Variants in ITPR3 observed in about 807,000 individuals in gnomAD.
ITPR3 encodes the protein inositol 1,4,5-trisphosphate receptor type 3.
A neutral mutation model predicts 293.2 loss-of-function variants in ITPR3; 173 were observed. The observed-to-expected ratio is 0.59, with a 90% confidence interval of 0.52 to 0.67. The LOEUF is 0.67. Ranked by LOEUF, ITPR3 falls within the 30% of genes least tolerant of loss-of-function variation. The pLI is 0.00. For synonymous variants in ITPR3, 1,295 were observed against 1,444.4 expected (o/e 0.90, Z 2.35); for missense variants, 2,796 against 3,592.1 (o/e 0.78, Z 5.66).
At position 33,685,462 on chromosome 6, in the gene ITPR3, T is replaced by C; in HGVS notation, c.5411T>C (p.Val1804Ala). ...GCCCAGCAGGAGACCAAGTCCACGG[T>C]GGCAGTCAACATGAATGACCTGGGC... ...KRAQQETKSTVAVNMNDLGSQ... is the reference protein window; with the variant it reads ...KRAQQETKSTAAVNMNDLGSQ... Residue 1804 changes from valine (V) to alanine (A), a missense_variant, in exon 40 of 58, where the codon GTG (valine) becomes GCG (alanine). Around this residue, in one of 8 missense-constraint regions of ITPR3, gnomAD observed 704 missense variants for 797.5 expected, o/e 0.88. Transcript: ENST00000605930. The C allele has an allele frequency of 6.2e-7, 1 of 1,613,942 alleles. No individual in the cohort carries two copies.
In ITPR3 at chr6:33,667,622, C is replaced by T. The variant is rs1012835484; in HGVS notation, c.1714-170C>T. On this transcript the variant is annotated intron_variant, in intron 15 of 57. Coordinates refer to ENST00000605930, the MANE Select transcript of ITPR3 (RefSeq NM_002224.4). This position sits in a 1 kb window ranked among gnomAD's most constrained non-coding sequence, Gnocchi z 4.4. ...GGGAAACAGCCCACAAGCTAAATAA[C>T]TATGTAATGTAAGCCACTCTTCTGC... 1.3e-5 allele frequency among the ~76,000 whole-genome samples: 2 copies of T among 152,212 alleles called. No individual in the cohort carries two copies. The highest frequency in any genetic ancestry group is 2.9e-5 in the Non-Finnish European group (2 of 68,042).
Position 33,679,935 on chromosome 6 carries a change from G to C in ITPR3, c.4026G>C (p.Leu1342=). The change falls in exon 31 of 58, where the codon CTG becomes CTC. Residue 1342 remains leucine, a synonymous_variant. Transcript: ENST00000605930. This position sits in a 1 kb window ranked among gnomAD's most constrained non-coding sequence, Gnocchi z 4.2. The part of the protein sequence containing the change: ...VVVFYNDKAS[L]AHLLDMMKAA... ...TGTTCTACAATGATAAGGCATCGCTGGCCCACCTGCTGGACATGATGAAGG... is the reference window on the plus strand; with the variant it reads ...TGTTCTACAATGATAAGGCATCGCTCGCCCACCTGCTGGACATGATGAAGG... The C allele has an allele frequency of 6.2e-7, 1 of 1,613,912 alleles. No homozygotes were observed. Among genetic ancestry groups the C allele is most frequent in the Non-Finnish European group, 8.5e-7 (1 of 1,180,018 alleles).
Position 33,684,534 on chromosome 6 carries a change from CGTCAG to C in ITPR3, c.5047-62_5047-58del. ...GTACCCAGGGGCTCAGGGTCAAGCC[CGTCAG>C]GCCAGTGGTCAGTGGTGGGCTGTAC... On this transcript the variant is annotated intron_variant, in intron 37 of 57. Transcript: ENST00000605930. This position sits in a 1 kb window ranked among gnomAD's most constrained non-coding sequence, Gnocchi z 4.2. 1.2e-6 allele frequency: 2 copies of C among 1,606,084 alleles called. No homozygotes were observed. The highest frequency in any genetic ancestry group is 1.7e-6 in the Non-Finnish European group (2 of 1,172,808).
Position 33,621,431 on chromosome 6 carries a change from G to A in ITPR3, c.-172G>A, listed in dbSNP as rs1763432959. On this transcript the variant is annotated 5_prime_UTR_variant, in exon 1 of 58. Transcript: ENST00000605930. The surrounding 1 kb of genome is among the most constrained non-coding windows in gnomAD (Gnocchi z 7.7). ...CCTCACCCGGACCCCGGGCCCCGCCGAGCCGCCTCCTGGCTCCCGTGGCCG... is the reference window on the plus strand; with the variant it reads ...CCTCACCCGGACCCCGGGCCCCGCCAAGCCGCCTCCTGGCTCCCGTGGCCG... The A allele has an allele frequency of 2.2e-6, 1 of 460,878 alleles. No homozygotes were observed. The highest frequency in any genetic ancestry group is 3.8e-6 in the Non-Finnish European group (1 of 262,016). 28.5% of individuals were successfully genotyped at this position (460,878 alleles called of 1,614,324 possible).
rs1561881682 is a variant in ITPR3 at position 33,688,297 on chromosome 6, A to G, written c.6434A>G (p.Gln2145Arg). Reference sequence around the variant, plus strand: ...GTGTTCCCAGTGCCCGGCATCTGCCAGTTCCTGACGGAGGAAACCAAGCAC... The same window carrying G: ...GTGTTCCCAGTGCCCGGCATCTGCCGGTTCCTGACGGAGGAAACCAAGCAC... ...QIVFPVPGIC[Q>R]FLTEETKHRL... The change falls in exon 48 of 58, where the codon CAG becomes CGG. Residue 2145 changes from glutamine to arginine, a missense_variant. Transcript: ENST00000605930. 1 of 1,614,226 alleles carries G rather than the reference A, an allele frequency of 6.2e-7. No individual in the cohort carries two copies. Among genetic ancestry groups the G allele is most frequent in the Non-Finnish European group, 8.5e-7 (1 of 1,180,026 alleles).
In ITPR3 at chr6:33,655,975, G is replaced by A; in HGVS notation, c.282+88G>A. The A allele has an allele frequency of 1.3e-6, 2 of 1,538,266 alleles. No homozygotes were observed. Among genetic ancestry groups the A allele is most frequent in the African/African-American group, 1.4e-5 (1 of 73,232 alleles). On this transcript the variant is annotated intron_variant, in intron 3 of 57. Transcript: ENST00000605930. This position sits in a 1 kb window ranked among gnomAD's most constrained non-coding sequence, Gnocchi z 4.9. The stretch of plus-strand genomic sequence containing the variant: ...GCGGTGCTGCTTGTCGGAGCCAGTA[G>A]GGGCTCTGTGGCTGAGCTGAGTGGT...
chr6:33,661,673 ACTTAT>A (rs1764471566), intron 7 of ITPR3, among the ~76,000 whole-genome samples: 2 of 152,108 alleles, frequency 1.3e-5, no homozygotes, highest in African/African-American at 2.4e-5. Flanking sequence ...ATGTTAAGGA[ACTTAT>A]CTGAGGTCAC....
Position 33,621,638 on chromosome 6 carries a change from C to T in ITPR3, c.36C>T (p.Asp12=), listed in dbSNP as rs374371137. ...TGTCCAGCTTTCTTCACATCGGGGA[C>T]ATCGTCTCCCTGTACGCCGAGGGCT... ...SEMSSFLHIG[D]IVSLYAEGSV... Residue 12 remains aspartate (D), a synonymous_variant, in exon 1 of 58, where the codon GAC becomes GAT. Transcript: ENST00000605930. The surrounding 1 kb of genome is among the most constrained non-coding windows in gnomAD (Gnocchi z 7.7). 3.1e-6 allele frequency: 5 copies of T among 1,609,794 alleles called. No homozygotes were observed. Among genetic ancestry groups the T allele is most frequent in the Admixed American group, 1.7e-5 (1 of 59,382 alleles).
At chr6:33,685,857 C>T (rs200075255) in intron 41 of ITPR3, 30 bp downstream of exon 41, 2 of 1,548,122 alleles carry the variant, frequency 1.3e-6, no homozygotes, top group Non-Finnish European at 1.7e-6. Context: ...CCTGCCCCTT[C>T]CCCCGCTGGC....
At chr6:33,625,246 T>G (rs1479126184) in intron 1 of ITPR3, among the ~76,000 whole-genome samples, 1 of 152,026 alleles carries the variant, frequency 6.6e-6, no homozygotes, top group Non-Finnish European at 1.5e-5. Flanking sequence ...TTTTTTTTTT[T>G]GAGACAGAGT....
At chr6:33,694,785 A>C in intron 56 of ITPR3, 139 bp from the exon 57 acceptor site, 3 of 1,090,762 alleles carry the variant, frequency 2.8e-6, no homozygotes, top group Non-Finnish European at 4.0e-6. Flanking sequence ...AGGTCAATTC[A>C]GATTTTCCCA....
intron 7 of ITPR3, among the ~76,000 whole-genome samples, chr6:33,660,133 C>T (rs1324599812): frequency 6.6e-6 from 1 of 152,162 alleles, no homozygotes; most frequent in Non-Finnish European, 1.5e-5. Context: ...CCCTGAACAG[C>T]AGATGTGGGC....
At chr6:33,643,648 G>A (rs1033796651) in intron 2 of ITPR3, among the ~76,000 whole-genome samples, 1 of 152,124 alleles carries the variant, frequency 6.6e-6, no homozygotes, top group Non-Finnish European at 1.5e-5. Context: ...TCCTGTTGGG[G>A]CAAGGGACCT....
rs977106751 is a variant in ITPR3, at chr6:33,667,652, C to A, written c.1714-140C>A. ...TAATGTAAGCCACTCTTCTGCCCAGCGATGCTTCCTTTCCTGGACCTCTGC... is the reference window on the plus strand; with the variant it reads ...TAATGTAAGCCACTCTTCTGCCCAGAGATGCTTCCTTTCCTGGACCTCTGC... On this transcript the variant is annotated intron_variant, in intron 15 of 57. Coordinates refer to ENST00000605930, the MANE Select transcript of ITPR3 (RefSeq NM_002224.4). This position sits in a 1 kb window ranked among gnomAD's most constrained non-coding sequence, Gnocchi z 4.4. 6 of 915,322 alleles carry A rather than the reference C, an allele frequency of 6.6e-6. No homozygotes were observed. The highest frequency in any genetic ancestry group is 1.7e-5 in the South Asian group (1 of 57,656). 56.7% of individuals were successfully genotyped at this position (915,322 alleles called of 1,614,324 possible).
intron 55 of ITPR3, among the ~76,000 whole-genome samples, 161 bp downstream of exon 55, chr6:33,693,054 T>C (rs1205013582): frequency 6.6e-6 from 1 of 152,202 alleles, no homozygotes; most frequent in Non-Finnish European, 1.5e-5. Flanking sequence ...AACATGACCC[T>C]GCCTGAACTT....
At chr6:33,651,772 T>G (rs1764197264) in intron 2 of ITPR3, among the ~76,000 whole-genome samples, 1 of 152,214 alleles carries the variant, frequency 6.6e-6, no homozygotes, top group Admixed American at 6.5e-5. Context: ...TCCAGTTGTT[T>G]TAGTTGCTTT....
In ITPR3 at chr6:33,691,710, G is replaced by A. The variant is rs1765396635; in HGVS notation, c.7321G>A (p.Val2441Ile). ...DCVSGLSVPEVLEEDRELDST... is the reference protein window; with the variant it reads ...DCVSGLSVPEILEEDRELDST... ...TGTCTCAGGGCTCTCGGTGCCTGAGGTCCTGGAAGGTGAGGGTGGTGTGTG... is the reference window on the plus strand; with the variant it reads ...TGTCTCAGGGCTCTCGGTGCCTGAGATCCTGGAAGGTGAGGGTGGTGTGTG... The change falls in exon 53 of 58, where the codon GTC (valine) becomes ATC (isoleucine). Residue 2441 changes from valine to isoleucine, a missense_variant. Val to Ile is a conservative substitution (Grantham distance 29). Transcript: ENST00000605930. The surrounding 1 kb of genome is among the most constrained non-coding windows in gnomAD (Gnocchi z 4.9). The A allele has an allele frequency of 1.2e-6, 2 of 1,614,110 alleles. No homozygotes were observed. The highest frequency in any genetic ancestry group is 3.3e-5 in the Admixed American group (2 of 60,026).
chr6:33,621,711 G>C lies in ITPR3; in HGVS notation c.89+20G>C, dbSNP rs748062355. The C allele has an allele frequency of 6.3e-7, 1 of 1,578,980 alleles. No individual in the cohort carries two copies. Among genetic ancestry groups the C allele is most frequent in the South Asian group, 1.1e-5 (1 of 87,230 alleles). ...TTTGGGGTGAGTGAGCCGAGCTCGA[G>C]AGGGGCGCGGGTAAAGAGGGGGCGC... On this transcript the variant is annotated intron_variant, in intron 1 of 57. Transcript: ENST00000605930. The surrounding 1 kb of genome is among the most constrained non-coding windows in gnomAD (Gnocchi z 7.7).
At chr6:33,631,861 G>C (rs1006407008) in intron 1 of ITPR3, among the ~76,000 whole-genome samples, 9 of 152,162 alleles carry the variant, frequency 5.9e-5, no homozygotes, top group Non-Finnish European at 1.0e-4. Flanking sequence ...TGCCTTCCAG[G>C]TCACTTCTCA....
Sources: allele counts gnomAD v4.1 joint callset (sites outside exome capture counted in the v4.1 genomes callset), GRCh38; gene constraint gnomAD v4.1.1; regional missense constraint gnomAD v4.1.1; non-coding constraint Gnocchi (gnomAD v3.1); transcripts MANE v1.5; gene names NCBI Gene and HGNC (gene_info 2026-07-23, HGNC 2026-07-21).